The following FRMD4A variants were observed in gnomAD, a reference collection of about 807,000 sequenced individuals.
FRMD4A encodes FERM domain containing 4A, also known as FERM domain-containing protein 4A.
Under a neutral mutation model 129.1 loss-of-function variants are expected in FRMD4A, and 29 were observed. That is an observed-to-expected ratio of 0.22 (90% CI 0.17 to 0.31). The LOEUF (loss-of-function observed/expected upper bound fraction) is 0.31. FRMD4A is among the 10% of genes least tolerant of loss of function. The pLI is 1.00. For synonymous variants in FRMD4A, 634 were observed against 571.6 expected (o/e 1.11, Z -1.56); for missense variants, 1,272 against 1,375.8 (o/e 0.92, Z 1.19).
chr10:13,992,054 T>A (rs1411998517), intron 2 of FRMD4A: 1 of 152,198 alleles, frequency 6.6e-6, no homozygotes, highest in African/African-American at 2.4e-5. Flanking sequence ...GAGTGGAATA[T>A]ATAAAAAGCA....
At chr10:13,962,313 A>G (rs2095451092) in intron 2 of FRMD4A, among the ~76,000 whole-genome samples, 1 of 152,242 alleles carries the variant, frequency 6.6e-6, no homozygotes, top group African/African-American at 2.4e-5. Flanking sequence ...TATTTATAAA[A>G]ATGAAGATGA....
intron 3 of FRMD4A, among the ~76,000 whole-genome samples, chr10:13,820,789 G>T (rs1229793413): frequency 6.6e-6 from 1 of 152,182 alleles, no homozygotes; most frequent in Admixed American, 6.5e-5. Flanking sequence ...AGCACTGCCT[G>T]CCCATCCACT....
At chr10:14,071,034 C>G (rs1181947600) in intron 2 of FRMD4A, among the ~76,000 whole-genome samples, 1 of 152,216 alleles carries the variant, frequency 6.6e-6, no homozygotes, top group Admixed American at 6.5e-5. Context: ...AAGGCTTAGA[C>G]AGAGATCGCT....
chr10:14,148,325 AT>A (rs1345895782), intron 2 of FRMD4A, among the ~76,000 whole-genome samples: 1 of 152,218 alleles, frequency 6.6e-6, no homozygotes, highest in Non-Finnish European at 1.5e-5. Flanking sequence ...AGAAACTATC[AT>A]TGCATCTTTC....
chr10:14,198,527 C>T (rs578007902), intron 2 of FRMD4A, among the ~76,000 whole-genome samples: 1 of 152,248 alleles, frequency 6.6e-6, no homozygotes, highest in Non-Finnish European at 1.5e-5. Flanking sequence ...AAGCCAATTT[C>T]ACAGGAGACT....
At chr10:14,162,647 T>TTTTTTTTTTTTTTTTTTTG (rs1840964125) in intron 2 of FRMD4A, among the ~76,000 whole-genome samples, 1 of 149,132 alleles carries the variant, frequency 6.7e-6, no homozygotes, top group Non-Finnish European at 1.5e-5. Flanking sequence ...TTTTGTTTTT[T>TTTTTTTTTTTTTTTTTTTG]TTTTTTTTTT....
intron 12 of FRMD4A, among the ~76,000 whole-genome samples, chr10:13,716,594 C>T (rs918592042): frequency 2.0e-5 from 3 of 152,292 alleles, no homozygotes; most frequent in East Asian, 3.9e-4. Flanking sequence ...TCAGACAACG[C>T]GAGCTCTAAA....
intron 18 of FRMD4A, 109 bp from the exon 19 acceptor site, chr10:13,663,618 C>T (rs1264532259): frequency 4.3e-6 from 3 of 691,986 alleles, no homozygotes; most frequent in Non-Finnish European, 8.0e-6. Flanking sequence ...TCTTCCTAAC[C>T]AGAAACAACC....
At chr10:13,974,112 C>T (rs1322548217) in intron 2 of FRMD4A, among the ~76,000 whole-genome samples, 1 of 150,296 alleles carries the variant, frequency 6.7e-6, no homozygotes, top group Admixed American at 6.7e-5. Context: ...ACTGAAAGCT[C>T]CACCTCTGGA....
intron 2 of FRMD4A, among the ~76,000 whole-genome samples, chr10:14,009,570 G>C (rs2095673891): frequency 6.6e-6 from 1 of 152,168 alleles, no homozygotes; most frequent in South Asian, 2.1e-4. Context: ...GGGTGCGAAG[G>C]AAAGAAGCAG....
intron 2 of FRMD4A, among the ~76,000 whole-genome samples, chr10:14,202,177 C>G (rs770770299): frequency 7.3e-5 from 11 of 151,486 alleles, no homozygotes; most frequent in Non-Finnish European, 1.3e-4. Flanking sequence ...CCATTGGATT[C>G]TGGTAAACTA....
intron 2 of FRMD4A, among the ~76,000 whole-genome samples, chr10:13,868,544 T>G (rs1409657010): frequency 6.6e-6 from 1 of 152,146 alleles, no homozygotes; most frequent in Non-Finnish European, 1.5e-5. Context: ...GGCTCACTAC[T>G]GTAATGCCAG....
chr10:14,328,880 T>TA (rs1447499989), intron 2 of FRMD4A, among the ~76,000 whole-genome samples: 1 of 152,160 alleles, frequency 6.6e-6, no homozygotes, highest in East Asian at 1.9e-4. Context: ...AGGTAATGGG[T>TA]AATTTCTCTG....
At chr10:14,109,579 T>A (rs1484759369) in intron 2 of FRMD4A, among the ~76,000 whole-genome samples, 2 of 152,232 alleles carry the variant, frequency 1.3e-5, no homozygotes, top group African/African-American at 4.8e-5. Flanking sequence ...TGTGTTTCCC[T>A]TTGTGTCTAA....
intron 8 of FRMD4A, among the ~76,000 whole-genome samples, chr10:13,754,274 A>G (rs1473745695): frequency 7.2e-6 from 1 of 139,282 alleles, no homozygotes. Context: ...ATAGAATTTG[A>G]AGAATATCAT....
At chr10:14,119,193 G>C (rs375388412) in intron 2 of FRMD4A, among the ~76,000 whole-genome samples, 58 of 152,222 alleles carry the variant, frequency 3.8e-4, no homozygotes, top group African/African-American at 1.4e-3. Flanking sequence ...ACTCATTTCC[G>C]TCCCTGCTGG....
rs2092313369 is a variant in FRMD4A, at chr10:13,767,159, C to T, written c.385-4479G>A. 2.0e-5 allele frequency among the ~76,000 whole-genome samples: 3 copies of T among 152,162 alleles called. No individual in the cohort carries two copies. The South Asian group carries it at 6.2e-4, about 32-fold the overall frequency. Reference sequence around the variant, plus strand: ...TAGATGTTTTCAGGGGTCTTCCTAGCAGAAATGTGCTCCCATATGACATTA... The same window carrying T: ...TAGATGTTTTCAGGGGTCTTCCTAGTAGAAATGTGCTCCCATATGACATTA... On this transcript the variant is annotated intron_variant, in intron 6 of 24. Coordinates refer to ENST00000357447, the MANE Select transcript of FRMD4A (RefSeq NM_018027.5).
chr10:13,951,930 A>AATG (rs1386531993), intron 2 of FRMD4A, among the ~76,000 whole-genome samples: 7 of 104,264 alleles, frequency 6.7e-5, no homozygotes, highest in Non-Finnish European at 1.8e-4. Flanking sequence ...TAATAATAAT[A>AATG]AACAATCTAA....
At chr10:14,042,201 G>C (rs1320708647) in intron 2 of FRMD4A, among the ~76,000 whole-genome samples, 1 of 152,172 alleles carries the variant, frequency 6.6e-6, no homozygotes, top group Non-Finnish European at 1.5e-5. Context: ...GCCCTGGCAC[G>C]CTTATACTGG....
Sources: gnomAD v4.1 joint callset for allele counts (sites outside exome capture counted in the v4.1 genomes callset) on GRCh38, gnomAD v4.1.1 for gene constraint, MANE v1.5 for transcripts, NCBI Gene and HGNC (gene_info 2026-07-23, HGNC 2026-07-21) for gene names.